Variants in TSC22D2 observed in about 807,000 individuals in gnomAD.
TSC22D2 encodes TSC22 domain family member 2.
TSC22D2 carries 5 observed loss-of-function variants against 50.1 expected under a neutral mutation model. That is an observed-to-expected ratio of 0.10 (90% CI 0.05 to 0.21). The LOEUF (loss-of-function observed/expected upper bound fraction) is 0.21, where lower values mean the gene tolerates loss of function less well. TSC22D2 is among the 10% of genes least tolerant of loss of function. TSC22D2 has a pLI of 1.00. For synonymous variants in TSC22D2, 501 were observed against 450.1 expected, an observed-to-expected ratio of 1.11 and a Z score of -1.43; for missense variants, 1,003 against 1,015.5, an observed-to-expected ratio of 0.99 and a Z score of 0.17.
intron 1 of TSC22D2, among the ~76,000 whole-genome samples, chr3:150,429,405 A>T (rs1159235263): frequency 1.3e-5 from 2 of 152,120 alleles, no homozygotes; most frequent in Non-Finnish European, 2.9e-5. Context: ...CACATTACAG[A>T]CTGACTGGCA....
intron 1 of TSC22D2, among the ~76,000 whole-genome samples, chr3:150,454,813 G>C (rs1721138982): frequency 6.6e-6 from 1 of 152,136 alleles, no homozygotes. Context: ...TCTTCATCAT[G>C]ATCTATTTAT....
Position 150,409,177 on chromosome 3 carries a change from A to C in TSC22D2, c.-174A>C. ...CACAGAGAAGGAAACGAGGAGGAGG[A>C]TGTCTCACCGGGCGGCCAGCGCCTG... On this transcript the variant is annotated 5_prime_UTR_variant, in exon 1 of 3. The change abolishes an upstream ATG in the 5' untranslated region. Transcript: ENST00000688009. This position sits in a 1 kb window ranked among gnomAD's most constrained non-coding sequence, Gnocchi z 7.4. 2 of 582,028 alleles carry C rather than the reference A, an allele frequency of 3.4e-6. No individual in the cohort carries two copies. Among genetic ancestry groups the C allele is most frequent in the Non-Finnish European group, 2.9e-6 (1 of 341,848 alleles). The allele number at this position is 582,028 out of a possible 1,614,324, so 36.1% of individuals were successfully genotyped here. A position where few individuals can be genotyped will look rare whatever the true frequency, so the allele number is the denominator to read the frequency against.
intron 1 of TSC22D2, among the ~76,000 whole-genome samples, chr3:150,411,535 A>G (rs760694692): frequency 1.6e-4 from 24 of 152,244 alleles, no homozygotes; most frequent in Non-Finnish European, 3.2e-4. Flanking sequence ...GTAGGGATGC[A>G]ACATTGTTTA....
At chr3:150,413,839 A>G (rs1055188214) in intron 1 of TSC22D2, among the ~76,000 whole-genome samples, 2 of 152,064 alleles carry the variant, frequency 1.3e-5, no homozygotes, top group African/African-American at 4.8e-5. Flanking sequence ...TAGTTTGACA[A>G]ATTTCAGATC....
In TSC22D2 at chr3:150,409,056, C is replaced by T. The variant is rs1719384666; in HGVS notation, c.-295C>T. ...CCCTGGGTTCGCGCTCTCGCCGCCT[C>T]TGAGGGAATTGAATTGAGGCGCCGC... On this transcript the variant is annotated 5_prime_UTR_variant, in exon 1 of 3. Transcript: ENST00000688009. The surrounding 1 kb of genome is among the most constrained non-coding windows in gnomAD (Gnocchi z 7.4). 1 of 286,874 alleles carries T rather than the reference C, an allele frequency of 3.5e-6. No homozygotes were observed. The highest frequency in any genetic ancestry group is 6.6e-6 in the Non-Finnish European group (1 of 151,616). 17.8% of individuals were successfully genotyped at this position (286,874 alleles called of 1,614,324 possible).
At chr3:150,424,391 A>G (rs1720108493) in intron 1 of TSC22D2, among the ~76,000 whole-genome samples, 1 of 152,178 alleles carries the variant, frequency 6.6e-6, no homozygotes. Context: ...TAGAAATGTA[A>G]TAAGAGTAGC....
At position 150,443,318 on chromosome 3, in the gene TSC22D2, A is replaced by G. The variant is rs1246228690; in HGVS notation, c.1959-13758A>G. 2.0e-5 allele frequency among the ~76,000 whole-genome samples: 3 copies of G among 152,232 alleles called. No individual in the cohort carries two copies. In the East Asian group the frequency reaches 5.8e-4, roughly 29 times the overall value. On this transcript the variant is annotated intron_variant, in intron 1 of 2. Transcript: ENST00000688009. ...GCAGCACTAAAAAGTCTGTGGAGAC[A>G]TTGAACTGGGTACATCCTCTAGATA...
At chr3:150,457,182 C>T in intron 2 of TSC22D2, 55 bp downstream of exon 2, 2 of 1,495,316 alleles carry the variant, frequency 1.3e-6, no homozygotes, top group Non-Finnish European at 1.8e-6. Context: ...GTATGGAACA[C>T]TTAGCTTTTG....
intron 1 of TSC22D2, among the ~76,000 whole-genome samples, chr3:150,417,200 G>A (rs1357847910): frequency 6.6e-6 from 1 of 152,088 alleles, no homozygotes; most frequent in Non-Finnish European, 1.5e-5. Context: ...TGTGATTAAT[G>A]TGTCAATTAT....
In TSC22D2 at chr3:150,462,610, C is replaced by T. The variant is rs1418420328; in HGVS notation, c.*3974C>T. On this transcript the variant is annotated 3_prime_UTR_variant, in exon 3 of 3. Coordinates refer to ENST00000688009, the MANE Select transcript of TSC22D2 (RefSeq NM_001303264.2). ...ACATCCCATTCCCAGTGTCAGGTAT[C>T]AGGTGCCTATTTTCTTTTTTTCTTT... is the stretch of plus-strand genomic sequence containing the variant. The T allele has an allele frequency of 6.6e-6, 1 of 152,332 alleles. No homozygotes were observed. Among genetic ancestry groups the T allele is most frequent in the Non-Finnish European group, 1.5e-5 (1 of 68,784 alleles). 9.4% of individuals were successfully genotyped at this position (152,332 alleles called of 1,614,324 possible). A position where few individuals can be genotyped will look rare whatever the true frequency, so the allele number is the denominator to read the frequency against.
At chr3:150,418,556 C>G (rs552009012) in intron 1 of TSC22D2, among the ~76,000 whole-genome samples, 1 of 151,810 alleles carries the variant, frequency 6.6e-6, no homozygotes, top group Non-Finnish European at 1.5e-5. Flanking sequence ...TTGAGGCTAA[C>G]TCTTGAACTA....
chr3:150,416,148 A>G (rs1169370568), intron 1 of TSC22D2, among the ~76,000 whole-genome samples: 1 of 152,204 alleles, frequency 6.6e-6, no homozygotes, highest in Non-Finnish European at 1.5e-5. Flanking sequence ...GGCATGAAAT[A>G]TAGTCTCAAA....
chr3:150,423,939 A>C (rs1475095847), intron 1 of TSC22D2, among the ~76,000 whole-genome samples: 1 of 152,188 alleles, frequency 6.6e-6, no homozygotes, highest in Non-Finnish European at 1.5e-5. Context: ...GTCTTCTGGC[A>C]TAGTTTTGGA....
rs1275949089 is a variant in TSC22D2 at position 150,409,876 on chromosome 3, A to G, written c.526A>G (p.Arg176Gly). 6.2e-7 allele frequency: 1 copy of G among 1,612,434 alleles called. No individual in the cohort carries two copies. The highest frequency in any genetic ancestry group is 8.5e-7 in the Non-Finnish European group (1 of 1,180,038). ...GGACCACGGGAGCGGAGAGCCCTAT[A>G]GACGCGGCCGATGGACGTGTATGGA... Reference protein sequence around the residue: ...KLDHGSGEPYRRGRWTCMEYY... With the variant: ...KLDHGSGEPYGRGRWTCMEYY... The change falls in exon 1 of 3, where the codon AGA becomes GGA. Residue 176 changes from arginine (R) to glycine (G), a missense_variant. This residue lies in a region of TSC22D2 where 19 missense variants were observed against 41.3 expected (regional missense o/e 0.46). Coordinates refer to ENST00000688009, the MANE Select transcript of TSC22D2 (RefSeq NM_001303264.2). This position sits in a 1 kb window ranked among gnomAD's most constrained non-coding sequence, Gnocchi z 7.4.
chr3:150,451,794 A>G (rs766194969), intron 1 of TSC22D2, among the ~76,000 whole-genome samples: 6 of 152,184 alleles, frequency 3.9e-5, no homozygotes, highest in Non-Finnish European at 5.9e-5. Context: ...CTTTTCCTCT[A>G]TCTTGTTGAT....
intron 1 of TSC22D2, among the ~76,000 whole-genome samples, chr3:150,445,320 AAT>A (rs1369651030): frequency 5.9e-4 from 5 of 8,422 alleles, no homozygotes; most frequent in African/African-American, 1.8e-3. Flanking sequence ...TCTCAAAAAT[AAT>A]AATAATAATA....
Position 150,409,993 on chromosome 3 carries a change from G to A in TSC22D2, c.643G>A (p.Asp215Asn), listed in dbSNP as rs770764406. Residue 215 changes from aspartate (D) to asparagine (N), a missense_variant, in exon 1 of 3, where the codon GAC becomes AAC. Transcript: ENST00000688009. This position sits in a 1 kb window ranked among gnomAD's most constrained non-coding sequence, Gnocchi z 7.4. ...TACTTTTGACCAGACTGCGGAGCGGGACAGCGGCCTGGGCGCCACCGGAGG... is the reference window on the plus strand; with the variant it reads ...TACTTTTGACCAGACTGCGGAGCGGAACAGCGGCCTGGGCGCCACCGGAGG... ...SSTFDQTAERDSGLGATGGSV... is the reference protein window; with the variant it reads ...SSTFDQTAERNSGLGATGGSV... 1 of 1,613,630 alleles carries A rather than the reference G, an allele frequency of 6.2e-7. No individual in the cohort carries two copies. Among genetic ancestry groups the A allele is most frequent in the African/African-American group, 1.3e-5 (1 of 74,924 alleles).
intron 1 of TSC22D2, among the ~76,000 whole-genome samples, chr3:150,420,194 A>G (rs745331119): frequency 2.0e-5 from 3 of 152,144 alleles, no homozygotes; most frequent in Non-Finnish European, 4.4e-5. Flanking sequence ...ATCTTTACAG[A>G]TGGCTCTTTT....
Position 150,410,860 on chromosome 3 carries a change from C to A in TSC22D2, c.1510C>A (p.Pro504Thr). ...AVPGGPHAVV[P>T]GVPNVPAAVP... ...ACCTGGTGGCCCTCACGCCGTGGTG[C>A]CCGGAGTTCCAAACGTGCCTGCAGC... The change falls in exon 1 of 3, where the codon CCC becomes ACC. Residue 504 changes from proline (P) to threonine (T), a missense_variant. Transcript: ENST00000688009. The A allele has an allele frequency of 6.2e-7, 1 of 1,613,850 alleles. No homozygotes were observed. The highest frequency in any genetic ancestry group is 1.1e-5 in the South Asian group (1 of 91,070).
Sources: allele counts gnomAD v4.1 joint callset (sites outside exome capture counted in the v4.1 genomes callset), GRCh38; gene constraint gnomAD v4.1.1; regional missense constraint gnomAD v4.1.1; non-coding constraint Gnocchi (gnomAD v3.1); transcripts MANE v1.5; gene names NCBI Gene and HGNC (gene_info 2026-07-23, HGNC 2026-07-21).